Variants in LRRIQ1 observed in about 807,000 individuals in gnomAD.
LRRIQ1 encodes the protein leucine rich repeats and IQ motif containing 1.
A neutral mutation model predicts 211.9 loss-of-function variants in LRRIQ1; 210 were observed. That is an observed-to-expected ratio of 0.99 (90% CI 0.89 to 1.11). The LOEUF is 1.11. Ranked by LOEUF, LRRIQ1 falls within the 50% of genes most tolerant of loss-of-function variation. LRRIQ1 has a pLI of 0.00. For synonymous variants in LRRIQ1, 699 were observed against 650.1 expected, an observed-to-expected ratio of 1.08 and a Z score of -1.14; for missense variants, 2,136 against 1,939.5, an observed-to-expected ratio of 1.10 and a Z score of -1.90.
the LRRIQ1 span, among the ~76,000 whole-genome samples, chr12:85,272,187 G>A: frequency 1.3e-5 from 2 of 152,060 alleles, no homozygotes; most frequent in Non-Finnish European, 2.9e-5. Flanking sequence ...TTTCATAAAA[G>A]CAAAAATTAG....
At chr12:85,150,940 C>T (rs1323944131) in intron 19 of LRRIQ1, among the ~76,000 whole-genome samples, 1 of 151,354 alleles carries the variant, frequency 6.6e-6, no homozygotes, top group Non-Finnish European at 1.5e-5. Flanking sequence ...TGTGCGTTAC[C>T]TCACATAGTT....
chr12:85,135,956 A>G (rs1275323168), intron 18 of LRRIQ1, among the ~76,000 whole-genome samples: 1 of 151,958 alleles, frequency 6.6e-6, no homozygotes, highest in Non-Finnish European at 1.5e-5. Context: ...TGTACATTCA[A>G]TGTACTTAGT....
At chr12:85,105,354 A>G (rs4761077) in intron 14 of LRRIQ1, among the ~76,000 whole-genome samples, 43,177 of 151,876 alleles carry the variant, frequency 0.28, 6,285 homozygotes, top group Admixed American at 0.34. Flanking sequence ...TCCCTCTCAA[A>G]TTAATTTTTA....
chr12:85,245,446 C>T (rs1895673459), downstream of LRRIQ1, among the ~76,000 whole-genome samples: 1 of 150,326 alleles, frequency 6.7e-6, no homozygotes, highest in Non-Finnish European at 1.5e-5. Flanking sequence ...ATAAACCTGT[C>T]ACACACATCT....
intron 8 of LRRIQ1, among the ~76,000 whole-genome samples, chr12:85,060,237 C>CT (rs1370807739): frequency 6.6e-6 from 1 of 151,866 alleles, no homozygotes; most frequent in Non-Finnish European, 1.5e-5. Context: ...TCGAGGGCTG[C>CT]TTAATAGCCC....
At chr12:85,038,347 CT>C in intron 2 of LRRIQ1, 39 bp downstream of exon 2, 3 of 1,386,374 alleles carry the variant, frequency 2.2e-6, no homozygotes, top group Admixed American at 2.6e-5. Context: ...CAGGAGTAGG[CT>C]TTTCAGGAGA....
intron 24 of LRRIQ1, among the ~76,000 whole-genome samples, chr12:85,211,238 A>G (rs1376599416): frequency 6.6e-6 from 1 of 152,238 alleles, no homozygotes; most frequent in Non-Finnish European, 1.5e-5. Context: ...CCCAAGGATG[A>G]ATACATGGAA....
At chr12:85,087,099 C>A (rs1016860746) in intron 11 of LRRIQ1, among the ~76,000 whole-genome samples, 7 of 152,086 alleles carry the variant, frequency 4.6e-5, no homozygotes, top group Non-Finnish European at 1.0e-4. Flanking sequence ...CCCATCCCCC[C>A]ACCCCACGAC....
chr12:85,179,130 T>C (rs1230918538), intron 24 of LRRIQ1, among the ~76,000 whole-genome samples: 1 of 151,964 alleles, frequency 6.6e-6, no homozygotes, highest in Non-Finnish European at 1.5e-5. Flanking sequence ...AAGTATATTA[T>C]ATTCATTCTA....
At chr12:85,259,595 TAGC>T (rs1204501152) in intron 1 of LRRIQ1, among the ~76,000 whole-genome samples, 1 of 152,098 alleles carries the variant, frequency 6.6e-6, no homozygotes, top group Non-Finnish European at 1.5e-5. Context: ...ACTTTACACA[TAGC>T]AGAACAATAC....
intron 11 of LRRIQ1, among the ~76,000 whole-genome samples, chr12:85,089,702 C>A (rs1169792556): frequency 6.6e-6 from 1 of 152,138 alleles, no homozygotes; most frequent in African/African-American, 2.4e-5. Flanking sequence ...TTCTAACAAC[C>A]TGTGTTCAGA....
intron 15 of LRRIQ1, among the ~76,000 whole-genome samples, chr12:85,119,896 T>C (rs1887849814): frequency 6.6e-6 from 1 of 152,224 alleles, no homozygotes; most frequent in African/African-American, 2.4e-5. Flanking sequence ...CTTTTGTTCT[T>C]TGATATATTG....
chr12:85,227,682 A>G (rs1894729645), intron 24 of LRRIQ1, among the ~76,000 whole-genome samples: 1 of 152,190 alleles, frequency 6.6e-6, no homozygotes, highest in Admixed American at 6.5e-5. Flanking sequence ...TTTAAAGTTC[A>G]TATGGAACCA....
At chr12:85,192,361 C>T (rs1892561226) in intron 24 of LRRIQ1, among the ~76,000 whole-genome samples, 1 of 139,560 alleles carries the variant, frequency 7.2e-6, no homozygotes, top group South Asian at 2.1e-4. Context: ...TGGCTCTGTA[C>T]TCTTCCGTTA....
intron 13 of LRRIQ1, among the ~76,000 whole-genome samples, chr12:85,102,384 G>A (rs1886411894): frequency 1.3e-5 from 2 of 151,386 alleles, no homozygotes; most frequent in Non-Finnish European, 3.0e-5. Flanking sequence ...GTATGTAATG[G>A]CCAATACATT....
chr12:85,261,801 A>ATTTATTTATTTGTTTG lies in LRRIQ1; in HGVS notation c.122-1111_122-1110insATTTATTTGTTTGTTT, dbSNP rs752042225. On this transcript the variant is annotated intron_variant, in intron 1 of 1. Transcript: ENST00000602731. ...TATTTATTTATTTATTTATTTATTT[A>ATTTATTTATTTGTTTG]TTTTTGAGACGGAGTTTGGCTCTTG... Among the ~76,000 whole-genome samples, 779 of 149,116 alleles carry ATTTATTTATTTGTTTG rather than the reference A, an allele frequency of 5.2e-3. 9 individuals carry two copies. The highest frequency in any genetic ancestry group is 0.018 in the African/African-American group (702 of 40,086).
chr12:85,249,377 T>C (rs1416087834), downstream of LRRIQ1, among the ~76,000 whole-genome samples: 2 of 151,982 alleles, frequency 1.3e-5, no homozygotes, highest in East Asian at 3.9e-4. Context: ...TGTATACATG[T>C]ATATGAATAT....
At chr12:85,214,492 T>C (rs1378874918) in intron 24 of LRRIQ1, among the ~76,000 whole-genome samples, 4 of 152,064 alleles carry the variant, frequency 2.6e-5, no homozygotes, top group African/African-American at 7.2e-5. Context: ...TCATGTGATA[T>C]GGTATGATAT....
At chr12:85,133,420 T>C (rs1323820466) in intron 18 of LRRIQ1, among the ~76,000 whole-genome samples, 1 of 152,102 alleles carries the variant, frequency 6.6e-6, no homozygotes, top group Non-Finnish European at 1.5e-5. Flanking sequence ...TCAGTATGTG[T>C]AAATGGAATC....
Sources: gnomAD v4.1 joint callset for allele counts (sites outside exome capture counted in the v4.1 genomes callset) on GRCh38, gnomAD v4.1.1 for gene constraint, MANE v1.5 for transcripts, NCBI Gene and HGNC (gene_info 2026-07-23, HGNC 2026-07-21) for gene names.